MGAT5: variants seen among roughly 807,000 people sequenced by gnomAD.
MGAT5 encodes the protein alpha-1,6-mannosylglycoprotein 6-beta-N-acetylglucosaminyltransferase A.
A neutral mutation model predicts 94.3 loss-of-function variants in MGAT5; 30 were observed. That is an observed-to-expected ratio of 0.32 (90% CI 0.24 to 0.43). The LOEUF is 0.43. Ranked by LOEUF, MGAT5 falls within the 20% of genes least tolerant of loss-of-function variation. The pLI is 1.00. For missense variants in MGAT5, 691 were observed against 905.5 expected (o/e 0.76, Z 3.04); for synonymous variants, 310 against 322.9 (o/e 0.96, Z 0.43).
intron 11 of MGAT5, among the ~76,000 whole-genome samples, chr2:134,404,152 T>C (rs1413503679): frequency 1.3e-5 from 2 of 152,226 alleles, no homozygotes; most frequent in African/African-American, 4.8e-5. Context: ...GTACAAGGGA[T>C]GCAAGTGTGA....
At chr2:134,310,551 A>T (rs2105867867) in intron 2 of MGAT5, among the ~76,000 whole-genome samples, 1 of 152,308 alleles carries the variant, frequency 6.6e-6, no homozygotes, top group South Asian at 2.1e-4. Context: ...ATTTTCAAAG[A>T]TCCCAGTATA....
At chr2:134,341,036 T>C (rs927607619) in intron 6 of MGAT5, among the ~76,000 whole-genome samples, 1 of 152,200 alleles carries the variant, frequency 6.6e-6, no homozygotes, top group South Asian at 2.1e-4. Context: ...TTTGTTCCTT[T>C]TAGGGATACA....
At chr2:134,290,471 A>C (rs1685280407) in intron 2 of MGAT5, among the ~76,000 whole-genome samples, 1 of 152,116 alleles carries the variant, frequency 6.6e-6, no homozygotes, top group Non-Finnish European at 1.5e-5. Flanking sequence ...TGTCTTTTCC[A>C]CATGCAAACT....
rs376560657 is a variant in MGAT5, at chr2:134,235,533, A to G, written c.-142-18729A>G. ...CAGAGGAATTGAGGAAAATAACCTA[A>G]CCCAATCGACAGGGCCGGTAACACC... On this transcript the variant is annotated intron_variant, in intron 1 of 16. Transcript: ENST00000409645. Among the ~76,000 whole-genome samples, 443 of 152,058 alleles carry G rather than the reference A, an allele frequency of 2.9e-3. 3 individuals carry two copies. Among genetic ancestry groups the G allele is most frequent in the African/African-American group, 0.01 (424 of 41,452 alleles).
chr2:134,384,666 A>G (rs975417958), intron 10 of MGAT5, among the ~76,000 whole-genome samples: 1 of 152,358 alleles, frequency 6.6e-6, no homozygotes, highest in Admixed American at 6.5e-5. Flanking sequence ...TTTATGCTAT[A>G]TCATGATATC....
chr2:134,190,705 A>G (rs1689323429), intron 1 of MGAT5, among the ~76,000 whole-genome samples: 1 of 151,170 alleles, frequency 6.6e-6, no homozygotes, highest in Admixed American at 6.6e-5. Context: ...GTGCCGTGGC[A>G]TGATCCATGG....
Position 134,450,828 on chromosome 2 carries a change from G to GTGTATGTGTA in MGAT5, c.*1987_*1988insTGTATGTATG, listed in dbSNP as rs1156436019. 1 of 134,592 alleles carries GTGTATGTGTA rather than the reference G, an allele frequency of 7.4e-6. No homozygotes were observed. The highest frequency in any genetic ancestry group is 1.6e-5 in the Non-Finnish European group (1 of 64,140). 8.3% of individuals were successfully genotyped at this position (134,592 alleles called of 1,614,324 possible). On this transcript the variant is annotated 3_prime_UTR_variant, in exon 16 of 16. Coordinates refer to ENST00000281923, the MANE Select transcript of MGAT5 (RefSeq NM_002410.5). Reference sequence around the variant, plus strand: ...TGTGTGTGTGTGTGTGTGTGTGTGTGTGTATGAGCCTGTGCATTTCTTTTA... The same window carrying GTGTATGTGTA: ...TGTGTGTGTGTGTGTGTGTGTGTGTGTGTATGTGTATGTATGAGCCTGTGCATTTCTTTTA...
At chr2:134,247,439 TGAA>T (rs1019683220) in intron 1 of MGAT5, among the ~76,000 whole-genome samples, 5 of 151,910 alleles carry the variant, frequency 3.3e-5, no homozygotes, top group Non-Finnish European at 7.4e-5. Flanking sequence ...GGTGGAAATT[TGAA>T]GTTCAAACTT....
At chr2:134,177,573 G>A (rs534372737) in intron 1 of MGAT5, among the ~76,000 whole-genome samples, 8 of 152,252 alleles carry the variant, frequency 5.3e-5, no homozygotes, top group African/African-American at 9.6e-5. Context: ...GCCCTTTCCC[G>A]TTCTTCTGAT....
chr2:134,317,127 A>G (rs1687041759), intron 2 of MGAT5, among the ~76,000 whole-genome samples: 1 of 152,130 alleles, frequency 6.6e-6, no homozygotes, highest in African/African-American at 2.4e-5. Flanking sequence ...AGGTCTGTTC[A>G]TGGCCCCAGC....
At chr2:134,191,568 GC>G in intron 1 of MGAT5, among the ~76,000 whole-genome samples, 1 of 150,022 alleles carries the variant, frequency 6.7e-6, no homozygotes, top group South Asian at 2.1e-4. Flanking sequence ...GTGGGTTCGC[GC>G]CCTCCTCCTT....
chr2:134,340,520 A>C (rs1688564871), intron 6 of MGAT5, among the ~76,000 whole-genome samples: 1 of 152,116 alleles, frequency 6.6e-6, no homozygotes, highest in African/African-American at 2.4e-5. Flanking sequence ...ATGATTTTTT[A>C]AATTAAAAAT....
intron 1 of MGAT5, among the ~76,000 whole-genome samples, chr2:134,154,950 CAAAG>C: frequency 6.6e-6 from 1 of 152,236 alleles, no homozygotes. Context: ...CCCTTCTAAA[CAAAG>C]AACAGACTTT....
At chr2:134,255,589 A>G (rs1334086822) in intron 1 of MGAT5, among the ~76,000 whole-genome samples, 5 of 152,146 alleles carry the variant, frequency 3.3e-5, no homozygotes, top group African/African-American at 1.2e-4. Context: ...TGGAATTTAG[A>G]TCATGCTGTG....
rs991078319 is a variant in MGAT5 at position 134,262,210 on chromosome 2, C to CT, written c.241+7575dup. 2.8e-4 allele frequency among the ~76,000 whole-genome samples: 43 copies of CT among 151,110 alleles called. No homozygotes were observed. In the South Asian group the frequency reaches 3.1e-3, roughly 11 times the overall value. On this transcript the variant is annotated intron_variant, in intron 1 of 15. Coordinates refer to ENST00000281923, the MANE Select transcript of MGAT5 (RefSeq NM_002410.5). ...TAGATTAATTTAGATTATTCTTGTTCTTTTTTTTTGGTGTTGTTTTTGTTT... is the reference window on the plus strand; with the variant it reads ...TAGATTAATTTAGATTATTCTTGTTCTTTTTTTTTTGGTGTTGTTTTTGTTT...
intron 2 of MGAT5, among the ~76,000 whole-genome samples, chr2:134,315,545 A>G (rs1156297721): frequency 1.3e-5 from 2 of 152,228 alleles, no homozygotes; most frequent in Non-Finnish European, 2.9e-5. Flanking sequence ...AAAACACAGA[A>G]TGCTTTTCCA....
At chr2:134,126,063 G>C (rs1017661525) in intron 1 of MGAT5, among the ~76,000 whole-genome samples, 3 of 152,190 alleles carry the variant, frequency 2.0e-5, no homozygotes, top group Non-Finnish European at 2.9e-5. Flanking sequence ...CAGTGTCTGC[G>C]GAGTCCTAGA....
At chr2:134,348,929 C>T (rs531891061) in intron 8 of MGAT5, among the ~76,000 whole-genome samples, 3 of 152,274 alleles carry the variant, frequency 2.0e-5, no homozygotes, top group African/African-American at 7.2e-5. Flanking sequence ...ACATTGTAAG[C>T]TTTTTGAGCC....
intron 2 of MGAT5, among the ~76,000 whole-genome samples, chr2:134,285,962 A>G (rs973200362): frequency 1.3e-5 from 2 of 152,248 alleles, no homozygotes; most frequent in African/African-American, 4.8e-5. Flanking sequence ...ATAAGGTGAT[A>G]GTAAATTGCC....
Sources: gnomAD v4.1 joint callset for allele counts (sites outside exome capture counted in the v4.1 genomes callset) on GRCh38, gnomAD v4.1.1 for gene constraint, MANE v1.5 for transcripts, NCBI Gene and HGNC (gene_info 2026-07-23, HGNC 2026-07-21) for gene names.